SPINK8: variants seen among roughly 807,000 people sequenced by gnomAD.
The protein encoded by SPINK8 is serine protease inhibitor Kazal-type 8.
In SPINK8, 12 loss-of-function variants were observed where a neutral mutation model predicts 14.4. The ratio of observed to expected loss-of-function variants is 0.83; its 90% CI spans 0.53 to 1.35. The LOEUF (loss-of-function observed/expected upper bound fraction) is 1.35, where lower values mean the gene tolerates loss of function less well. Among genes scored for constraint, SPINK8 ranks in the 40% most tolerant of loss-of-function variants. The pLI is 0.00. For synonymous variants in SPINK8, 32 were observed against 37.6 expected (o/e 0.85, Z 0.55); for missense variants, 103 against 117.0 (o/e 0.88, Z 0.55).
chr3:48,317,651 G>A (rs2036011550), intron 6 of SPINK8, among the ~76,000 whole-genome samples: 1 of 151,676 alleles, frequency 6.6e-6, no homozygotes, highest in Non-Finnish European at 1.5e-5. Context: ...GAGTAGCTGG[G>A]ACTACAGGCA....
At chr3:48,312,286 G>A (rs969035194) in intron 6 of SPINK8, among the ~76,000 whole-genome samples, 7 of 152,296 alleles carry the variant, frequency 4.6e-5, no homozygotes, top group African/African-American at 1.7e-4. Context: ...CATTCAATGG[G>A]GGAAGAGGAT....
intron 6 of SPINK8, among the ~76,000 whole-genome samples, chr3:48,311,132 C>T (rs895771227): frequency 6.6e-6 from 1 of 151,358 alleles, no homozygotes. Flanking sequence ...GACAGAAAAA[C>T]ACTGCATGAT....
intron 7 of SPINK8, among the ~76,000 whole-genome samples, chr3:48,307,865 G>A (rs1207922814): frequency 6.6e-6 from 1 of 151,222 alleles, no homozygotes; most frequent in Non-Finnish European, 1.5e-5. Flanking sequence ...GGGATACCTG[G>A]GCTTACTACC....
At chr3:48,311,078 CA>C (rs144096295) in intron 6 of SPINK8, among the ~76,000 whole-genome samples, 10 of 148,928 alleles carry the variant, frequency 6.7e-5, no homozygotes, top group African/African-American at 9.9e-5. Context: ...CAGAGCGTTT[CA>C]AAAAAAAAAT....
intron 7 of SPINK8, among the ~76,000 whole-genome samples, chr3:48,308,500 T>C (rs2035879951): frequency 6.6e-6 from 1 of 152,208 alleles, no homozygotes; most frequent in Non-Finnish European, 1.5e-5. Flanking sequence ...TTGTCTTAAA[T>C]AGACTGTTGA....
rs372327506 is a variant in SPINK8 at position 48,316,431 on chromosome 3, A to G, written c.239+3066T>C. The G allele has an allele frequency of 2.6e-4, 40 of 155,902 alleles. No homozygotes were observed. The South Asian group carries it at 4.7e-3, about 18-fold the overall frequency. 9.7% of individuals were successfully genotyped at this position (155,902 alleles called of 1,614,324 possible). ...TCATGTGATTCCTCCATCAGGAGTC[A>G]TGGAAGCTGGAAGCAGTGGGATGAC... On this transcript the variant is annotated intron_variant, in intron 6 of 7. Coordinates refer to ENST00000434006, the MANE Select transcript of SPINK8 (RefSeq NM_001080525.3).
intron 6 of SPINK8, among the ~76,000 whole-genome samples, chr3:48,313,834 G>T (rs1216650969): frequency 6.6e-6 from 1 of 152,184 alleles, no homozygotes; most frequent in East Asian, 1.9e-4. Flanking sequence ...AAATGATTAT[G>T]TAAGTGAAAG....
chr3:48,324,474 C>A (rs1396618427), intron 4 of SPINK8, among the ~76,000 whole-genome samples: 2 of 152,084 alleles, frequency 1.3e-5, no homozygotes, highest in Non-Finnish European at 2.9e-5. Context: ...TATTCATTTT[C>A]TCTTGCCTAA....
At chr3:48,325,796 C>T (rs956838909) in intron 4 of SPINK8, among the ~76,000 whole-genome samples, 5 of 152,056 alleles carry the variant, frequency 3.3e-5, no homozygotes, top group Non-Finnish European at 7.4e-5. Flanking sequence ...TGGGGTTTCT[C>T]CAAGTTGGTC....
chr3:48,314,174 A>G lies in SPINK8; in HGVS notation c.240-4228T>C, dbSNP rs368253927. Among the ~76,000 whole-genome samples the G allele has an allele frequency of 1.1e-3, 166 of 152,322 alleles. 1 individual carries two copies. Among genetic ancestry groups the G allele is most frequent in the African/African-American group, 3.9e-3 (161 of 41,562 alleles). ...CCCATTTATAGTTATAAGAACTTTG[A>G]TAAGTTGCTCCCCTCAGGTCTCAGT... On this transcript the variant is annotated intron_variant, in intron 6 of 7. Coordinates refer to ENST00000434006, the MANE Select transcript of SPINK8 (RefSeq NM_001080525.3).
chr3:48,321,957 C>T (rs574757705), intron 4 of SPINK8, among the ~76,000 whole-genome samples: 1 of 151,856 alleles, frequency 6.6e-6, no homozygotes, highest in African/African-American at 2.4e-5. Context: ...GGACTACAGG[C>T]ATGCACCACT....
At chr3:48,312,282 A>G (rs1300180464) in intron 6 of SPINK8, among the ~76,000 whole-genome samples, 1 of 152,198 alleles carries the variant, frequency 6.6e-6, no homozygotes, top group African/African-American at 2.4e-5. Context: ...AGGCCATTCA[A>G]TGGGGGAAGA....
chr3:48,309,615 T>C (rs1184154835), intron 7 of SPINK8, among the ~76,000 whole-genome samples: 5 of 152,208 alleles, frequency 3.3e-5, no homozygotes, highest in Non-Finnish European at 5.9e-5. Context: ...TCCAAACTTA[T>C]TAGAGAGGAA....
At chr3:48,331,641 A>G in intron 2 of SPINK8, among the ~76,000 whole-genome samples, 1 of 152,194 alleles carries the variant, frequency 6.6e-6, no homozygotes, top group Middle Eastern at 3.2e-3. Flanking sequence ...ATTCTAGTGT[A>G]TAATGGCCCC....
At chr3:48,312,324 A>T (rs2035933132) in intron 6 of SPINK8, among the ~76,000 whole-genome samples, 2 of 152,146 alleles carry the variant, frequency 1.3e-5, no homozygotes, top group African/African-American at 4.8e-5. Context: ...AAGCTGGGAC[A>T]ACTGGATAAC....
intron 4 of SPINK8, among the ~76,000 whole-genome samples, chr3:48,327,359 G>C (rs1325253697): frequency 1.3e-5 from 2 of 152,190 alleles, no homozygotes; most frequent in Non-Finnish European, 2.9e-5. Flanking sequence ...TTAGTCACTG[G>C]TTATGGGCAT....
intron 1 of SPINK8, among the ~76,000 whole-genome samples, 71 bp from the exon 2 acceptor site, chr3:48,332,542 C>T (rs1216525972): frequency 3.3e-5 from 5 of 152,174 alleles, no homozygotes; most frequent in African/African-American, 4.8e-5. Flanking sequence ...TTCTAGCATG[C>T]AAGTTAGCAA....
At chr3:48,324,422 CAG>C (rs2036113275) in intron 4 of SPINK8, among the ~76,000 whole-genome samples, 1 of 152,116 alleles carries the variant, frequency 6.6e-6, no homozygotes, top group African/African-American at 2.4e-5. Flanking sequence ...CATCTACAAA[CAG>C]AGATCATTTT....
chr3:48,307,961 CTTTTTTTTTTTTTTTTTTTTT>C (rs869147798), intron 7 of SPINK8, among the ~76,000 whole-genome samples: 3 of 68,214 alleles, frequency 4.4e-5, no homozygotes, highest in African/African-American at 1.9e-4. Flanking sequence ...AGTCTGCATT[CTTTTTTTTTTTTTTTTTTTTT>C]TTTTTTTTTG....
Sources: gnomAD v4.1 joint callset for allele counts (sites outside exome capture counted in the v4.1 genomes callset) on GRCh38, gnomAD v4.1.1 for gene constraint, MANE v1.5 for transcripts, NCBI Gene and HGNC (gene_info 2026-07-23, HGNC 2026-07-21) for gene names.